Variants in DUS3L observed in about 807,000 individuals in gnomAD.
DUS3L encodes tRNA-dihydrouridine(47) synthase [NAD(P)(+)]-like.
In DUS3L, 62 loss-of-function variants were observed where a neutral mutation model predicts 74.6. The ratio of observed to expected loss-of-function variants is 0.83; its 90% CI spans 0.68 to 1.03. The LOEUF (loss-of-function observed/expected upper bound fraction) is 1.03. Ranked by LOEUF, DUS3L falls within the 50% of genes least tolerant of loss-of-function variation. The probability of loss-of-function intolerance (pLI) is 0.00; values close to 1 mark genes in which losing one functional copy is unlikely to be tolerated. For synonymous variants in DUS3L, 433 were observed against 395.7 expected, an observed-to-expected ratio of 1.09 and a Z score of -1.12; for missense variants, 884 against 924.4, an observed-to-expected ratio of 0.96 and a Z score of 0.57.
intron 10 of DUS3L, 37 bp from the exon 11 acceptor site, chr19:5,785,828 A>C: frequency 1.3e-6 from 2 of 1,530,620 alleles, no homozygotes; most frequent in Non-Finnish European, 1.8e-6. Context: ...CCCAGCCACC[A>C]GCCTGCCTGG....
Position 5,789,722 on chromosome 19 carries a change from G to C in DUS3L, c.388-3C>G, listed in dbSNP as rs2056891347. 5 of 1,597,142 alleles carry C rather than the reference G, an allele frequency of 3.1e-6. No homozygotes were observed. The East Asian group carries it at 1.1e-4, about 36-fold the overall frequency. The stretch of plus-strand genomic sequence containing the variant: ...AAGAAACACTTAGCAGCCGACTCCT[G>C]CGAGGAAACAGGGAAGCAGTGAGGG... On this transcript the variant is annotated splice_region_variant and splice_polypyrimidine_tract_variant and intron_variant, in intron 2 of 12. Coordinates refer to ENST00000309061, the MANE Select transcript of DUS3L (RefSeq NM_020175.3).
rs772385782 is a variant in DUS3L at position 5,789,260 on chromosome 19, C to T, written c.847G>A (p.Gly283Arg). The T allele has an allele frequency of 6.4e-7, 1 of 1,573,406 alleles. No individual in the cohort carries two copies. The highest frequency in any genetic ancestry group is 1.7e-4 in the Middle Eastern group (1 of 5,884). The change falls in exon 3 of 13, where the codon GGG becomes AGG. Residue 283 changes from glycine (G) to arginine (R), a missense_variant. Physicochemically the swap from Gly to Arg is moderately radical, Grantham distance 125 (BLOSUM62 -2). Transcript: ENST00000309061. Reference sequence around the variant, plus strand: ...ACCACGTCCTCATCCGTCAGGGGCCCGCAGGTCCGCACGGGGCTGCTGGGA... The same window carrying T: ...ACCACGTCCTCATCCGTCAGGGGCCTGCAGGTCCGCACGGGGCTGCTGGGA... ...TPPSSPVRTC[G>R]PLTDEDVVRL...
chr19:5,789,532 A>G lies in DUS3L; in HGVS notation c.575T>C (p.Val192Ala). 6.2e-7 allele frequency: 1 copy of G among 1,604,190 alleles called. No individual in the cohort carries two copies. The highest frequency in any genetic ancestry group is 8.5e-7 in the Non-Finnish European group (1 of 1,177,310). ...AHLRPEGQNL[V>A]QEELAARGTQ... is the part of the protein sequence containing the mutation. ...CCCGCGGGCCGCCAACTCCTCCTGC[A>G]CCAGGTTCTGTCCCTCGGGCCTCAG... Residue 192 changes from valine (V) to alanine (A), a missense_variant, in exon 3 of 13, where the codon GTG (valine) becomes GCG (alanine). Coordinates refer to ENST00000309061, the MANE Select transcript of DUS3L (RefSeq NM_020175.3).
At chr19:5,787,382 G>A in intron 6 of DUS3L, 21 bp from the exon 7 acceptor site, 1 of 1,612,082 alleles carries the variant, frequency 6.2e-7, no homozygotes, top group Non-Finnish European at 8.5e-7. Flanking sequence ...CAGGCGGGTG[G>A]AGGGAGGGCA....
chr19:5,788,782 C>T (rs1382582186), intron 3 of DUS3L, among the ~76,000 whole-genome samples: 1 of 150,944 alleles, frequency 6.6e-6, no homozygotes, highest in African/African-American at 2.4e-5. Flanking sequence ...TCTTGGCTCA[C>T]TGCAACATCC....
chr19:5,789,818 G>A lies in DUS3L; in HGVS notation c.388-99C>T, dbSNP rs955724543. 2.7e-6 allele frequency: 4 copies of A among 1,472,836 alleles called. No homozygotes were observed. The African/African-American group carries it at 5.6e-5, about 21-fold the overall frequency. 91.2% of individuals were successfully genotyped at this position (1,472,836 alleles called of 1,614,324 possible). On this transcript the variant is annotated intron_variant, in intron 2 of 12. Transcript: ENST00000309061. ...CTAGATCACCCCTCCTGGCTCTTGT[G>A]TCCCTGAGCAAGTCAGGCACCTCAC...
At position 5,791,029 on chromosome 19, in the gene DUS3L, G is replaced by T. The variant is rs775747544; in HGVS notation, c.98+15C>A. Reference sequence around the variant, plus strand: ...GAAAAGGCCCTTCAGCTTCCCTCCTGCCCCGGCGACTCACTGACGCTTAAT... The same window carrying T: ...GAAAAGGCCCTTCAGCTTCCCTCCTTCCCCGGCGACTCACTGACGCTTAAT... On this transcript the variant is annotated intron_variant, in intron 1 of 12. Coordinates refer to ENST00000309061, the MANE Select transcript of DUS3L (RefSeq NM_020175.3). The T allele has an allele frequency of 2.5e-6, 4 of 1,585,492 alleles. No individual in the cohort carries two copies. Among genetic ancestry groups the T allele is most frequent in the South Asian group, 1.1e-5 (1 of 87,024 alleles).
intron 8 of DUS3L, 38 bp from the exon 9 acceptor site, chr19:5,786,883 A>T (rs1568385898): frequency 6.4e-7 from 1 of 1,572,084 alleles, no homozygotes. Context: ...GGAGGCAGAG[A>T]GTGAGACGCA....
intron 1 of DUS3L, 90 bp from the exon 2 acceptor site, chr19:5,790,425 CCTT>C: frequency 6.6e-6 from 10 of 1,505,184 alleles, no homozygotes; most frequent in South Asian, 2.4e-5. Context: ...GTCCTTAAAT[CCTT>C]CTGCTGATGG....
Position 5,791,069 on chromosome 19 carries a change from G to T in DUS3L, c.73C>A (p.Arg25=). The change falls in exon 1 of 13, where the codon CGA becomes AGA. Residue 25 remains arginine, a synonymous_variant. Coordinates refer to ENST00000309061, the MANE Select transcript of DUS3L (RefSeq NM_020175.3). The stretch of plus-strand genomic sequence containing the variant: ...TGACGCTTAATGGGCGCCACTCCTC[G>T]TTCCAAAGCTCCGGCTCCCGAGTCG... ...GGDSGAGALE[R]GVAPIKRQYL... 1 of 1,606,382 alleles carries T rather than the reference G, an allele frequency of 6.2e-7. No individual in the cohort carries two copies. Among genetic ancestry groups the T allele is most frequent in the Non-Finnish European group, 8.5e-7 (1 of 1,177,006 alleles).
chr19:5,785,188 T>A lies in DUS3L; in HGVS notation c.*15A>T. 1.3e-6 allele frequency: 2 copies of A among 1,597,090 alleles called. No individual in the cohort carries two copies. The highest frequency in any genetic ancestry group is 1.7e-6 in the Non-Finnish European group (2 of 1,172,396). ...TACTCTCCTCGCCCCAGGGTGCCCC[T>A]GGGAAAGCCTGAGGCTACTTGTACG... On this transcript the variant is annotated 3_prime_UTR_variant, in exon 13 of 13. Coordinates refer to ENST00000309061, the MANE Select transcript of DUS3L (RefSeq NM_020175.3).
intron 11 of DUS3L, 37 bp from the exon 12 acceptor site, chr19:5,785,548 G>C (rs2056833031): frequency 6.4e-7 from 1 of 1,555,466 alleles, no homozygotes. Context: ...GCTTGAGTCA[G>C]CTCTAACCAG....
At position 5,785,512 on chromosome 19, in the gene DUS3L, C is replaced by T; in HGVS notation, c.1752-1G>A. The T allele has an allele frequency of 6.5e-7, 1 of 1,541,422 alleles. No individual in the cohort carries two copies. The highest frequency in any genetic ancestry group is 8.7e-7 in the Non-Finnish European group (1 of 1,145,622). On this transcript the variant is annotated splice_acceptor_variant, in intron 11 of 12. Coordinates refer to ENST00000309061, the MANE Select transcript of DUS3L (RefSeq NM_020175.3). LOFTEE classifies it high-confidence loss of function. ...CTCCAGCAGCCCCACGGGCACGTAC[C>T]TGCGGCGGGTGGGCGGGCAGGACAG...
Position 5,790,071 on chromosome 19 carries a change from G to A in DUS3L, c.363C>T (p.Asn121=). The change falls in exon 2 of 13, where the codon AAC becomes AAT. Residue 121 remains asparagine, a synonymous_variant. Coordinates refer to ENST00000309061, the MANE Select transcript of DUS3L (RefSeq NM_020175.3). ...PHVKPTNYDK[N]RLCPSLIQES... ...CCTGGATTAGGGAGGGACACAGCCT[G>A]TTCTTGTCGTAGTTCGTGGGCTTCA... 1.9e-6 allele frequency: 3 copies of A among 1,614,154 alleles called. No homozygotes were observed. Among genetic ancestry groups the A allele is most frequent in the Non-Finnish European group, 2.5e-6 (3 of 1,180,030 alleles).
intron 10 of DUS3L, 54 bp from the exon 11 acceptor site, chr19:5,785,845 G>T: frequency 6.7e-7 from 1 of 1,495,632 alleles, no homozygotes; most frequent in African/African-American, 1.4e-5. Context: ...CTGGGATCGT[G>T]TGGCCTCTGC....
At position 5,785,733 on chromosome 19, in the gene DUS3L, T is replaced by C. The variant is rs556988645; in HGVS notation, c.1621A>G (p.Ile541Val). The change falls in exon 11 of 13, where the codon ATC (isoleucine) becomes GTC (valine). Residue 541 changes from isoleucine to valine, a missense_variant. Transcript: ENST00000309061. ...ATGTCCAGGCGCTCGGACGACGAGA[T>C]GTCCCAGTGCCGCTGCTCCTTGATC... ...TEIKEQRHWDISSSERLDILR... is the reference protein window; with the variant it reads ...TEIKEQRHWDVSSSERLDILR... 9.3e-6 allele frequency: 15 copies of C among 1,611,486 alleles called. No individual in the cohort carries two copies. The South Asian group carries it at 1.2e-4, about 13-fold the overall frequency.
At chr19:5,788,895 T>C (rs573265513) in intron 3 of DUS3L, among the ~76,000 whole-genome samples, 6 of 152,054 alleles carry the variant, frequency 3.9e-5, no homozygotes, top group African/African-American at 1.2e-4. Context: ...TTAGTAGAGA[T>C]AGGGTTTCAC....
At chr19:5,787,990 C>A in intron 5 of DUS3L, 34 bp downstream of exon 5, 1 of 1,607,824 alleles carries the variant, frequency 6.2e-7, no homozygotes, top group Non-Finnish European at 8.5e-7. Context: ...GCCGAGGGCC[C>A]CTCCACTCTC....
Position 5,789,648 on chromosome 19 carries a change from G to T in DUS3L, c.459C>A (p.Thr153=). The change falls in exon 3 of 13, where the codon ACC becomes ACA. Residue 153 remains threonine, a synonymous_variant. Coordinates refer to ENST00000309061, the MANE Select transcript of DUS3L (RefSeq NM_020175.3). ...FLHDVGRYLE[T]KPADLGPRCV... is the part of the protein sequence containing the mutation. ...AGCGGGGGCCCAGGTCGGCCGGCTT[G>T]GTCTCCAGGTAGCGCCCCACGTCGT... 1 of 1,608,770 alleles carries T rather than the reference G, an allele frequency of 6.2e-7. No homozygotes were observed.
Sources: gnomAD v4.1 joint callset for allele counts (sites outside exome capture counted in the v4.1 genomes callset) on GRCh38, gnomAD v4.1.1 for gene constraint, MANE v1.5 for transcripts, NCBI Gene and HGNC (gene_info 2026-07-23, HGNC 2026-07-21) for gene names.